Variants in PODXL observed in about 807,000 individuals in gnomAD.
PODXL encodes the protein podocalyxin like, also known as podocalyxin.
A neutral mutation model predicts 48.9 loss-of-function variants in PODXL; 20 were observed. The observed-to-expected ratio is 0.41, with a 90% CI of 0.29 to 0.59. The LOEUF is 0.59. PODXL is among the 20% of genes least tolerant of loss of function. The pLI, the probability that PODXL is intolerant of heterozygous loss-of-function variation, is 0.31. For missense variants in PODXL, 606 were observed against 675.1 expected (o/e 0.90, Z 1.13); for synonymous variants, 295 against 287.4 (o/e 1.03, Z -0.27).
At chr7:131,544,030 T>G (rs539772009) in intron 1 of PODXL, among the ~76,000 whole-genome samples, 1 of 152,310 alleles carries the variant, frequency 6.6e-6, no homozygotes, top group East Asian at 1.9e-4. Flanking sequence ...GGAAGGCCCC[T>G]GAGAGCCACT....
At chr7:131,536,937 C>A (rs1427720274) in intron 1 of PODXL, among the ~76,000 whole-genome samples, 4 of 151,804 alleles carry the variant, frequency 2.6e-5, no homozygotes, top group African/African-American at 9.7e-5. Context: ...CCAGCCTGGC[C>A]AACATGGTGA....
At chr7:131,521,336 A>AGTT (rs1390722914) in intron 1 of PODXL, among the ~76,000 whole-genome samples, 1 of 45,032 alleles carries the variant, frequency 2.2e-5, no homozygotes, top group South Asian at 7.2e-4. Flanking sequence ...GATTAAGGTC[A>AGTT]ATTTTTTTTT....
rs537008639 is a variant in PODXL at position 131,501,981 on chromosome 7, T to TGGAGAGTCA, written c.*2321_*2329dup. The TGGAGAGTCA allele has an allele frequency of 2.0e-5, 3 of 152,168 alleles. No homozygotes were observed. Among genetic ancestry groups the TGGAGAGTCA allele is most frequent in the Non-Finnish European group, 4.4e-5 (3 of 68,034 alleles). 9.4% of individuals were successfully genotyped at this position (152,168 alleles called of 1,614,324 possible). On this transcript the variant is annotated 3_prime_UTR_variant, in exon 9 of 9. Transcript: ENST00000378555. The stretch of plus-strand genomic sequence containing the variant: ...TCCGGGTTCTCCTTGGACAGAGCGA[T>TGGAGAGTCA]GGAGAGTCAGGAGAGTCAGGACCGA...
chr7:131,506,864 C>T (rs1256180445), intron 5 of PODXL, 138 bp from the exon 6 acceptor site: 3 of 856,358 alleles, frequency 3.5e-6, no homozygotes, highest in Non-Finnish European at 5.5e-6. Flanking sequence ...CCAGCTGGTG[C>T]TCCACGCAGG....
rs1183649128 is a variant in PODXL at position 131,501,187 on chromosome 7, A to G, written c.*3124T>C. On this transcript the variant is annotated 3_prime_UTR_variant, in exon 9 of 9. Transcript: ENST00000378555. ...TTGTTATATTTCATTTTTTGTTTAA[A>G]AAAAAAAATCAAGCAAAAACTTGTC... 6.6e-6 allele frequency: 1 copy of G among 152,556 alleles called. No individual in the cohort carries two copies. The highest frequency in any genetic ancestry group is 2.4e-5 in the African/African-American group (1 of 41,420). 9.5% of individuals were successfully genotyped at this position (152,556 alleles called of 1,614,324 possible). A position where few individuals can be genotyped will look rare whatever the true frequency, so the allele number is the denominator to read the frequency against.
intron 1 of PODXL, chr7:131,520,201 G>T: frequency 5.7e-6 from 2 of 351,190 alleles, no homozygotes; most frequent in South Asian, 5.5e-5. Context: ...GTGGTGACCC[G>T]AGAATGCACC....
rs182333714 is a variant in PODXL at position 131,504,273 on chromosome 7, A to T, written c.*38T>A. 250 of 1,577,332 alleles carry T rather than the reference A, an allele frequency of 1.6e-4. 1 individual carries two copies. In the East Asian group the frequency reaches 5.1e-3, roughly 32 times the overall value. The stretch of plus-strand genomic sequence containing the variant: ...ACGGCACTTGGGGTGGTTGGTCTGG[A>T]GCTCTGTGGTGCTGCTGGAGGCCAC... On this transcript the variant is annotated 3_prime_UTR_variant, in exon 9 of 9. Transcript: ENST00000378555.
intron 1 of PODXL, among the ~76,000 whole-genome samples, chr7:131,512,956 C>T (rs1484189364): frequency 4.2e-5 from 6 of 144,264 alleles, no homozygotes; most frequent in South Asian, 4.3e-4. Flanking sequence ...GATGGCACCA[C>T]TGCACTTCAG....
At chr7:131,541,557 G>A (rs57503556) in intron 1 of PODXL, among the ~76,000 whole-genome samples, 2 of 151,954 alleles carry the variant, frequency 1.3e-5, no homozygotes, top group East Asian at 3.9e-4. Context: ...TTGGTGGTGG[G>A]CGTCTCTAAT....
Position 131,504,481 on chromosome 7 carries a change from C to T in PODXL, c.1507G>A (p.Val503Met). 1 of 1,614,224 alleles carries T rather than the reference C, an allele frequency of 6.2e-7. No individual in the cohort carries two copies. Among genetic ancestry groups the T allele is most frequent in the East Asian group, 2.2e-5 (1 of 44,882 alleles). ...GGGTTGTCATGGTAACCATTCTCCA[C>T]TGTCTGCAGCTCCTCTGTTAGCCGC... Reference protein sequence around the residue: ...QQRLTEELQTVENGYHDNPTL... With the variant: ...QQRLTEELQTMENGYHDNPTL... The change falls in exon 9 of 9, where the codon GTG (valine) becomes ATG (methionine). Residue 503 changes from valine to methionine, a missense_variant. Val to Met is a conservative substitution (Grantham distance 21). Transcript: ENST00000378555.
chr7:131,544,826 C>CACTA (rs1314220560), intron 1 of PODXL, among the ~76,000 whole-genome samples: 2 of 152,172 alleles, frequency 1.3e-5, no homozygotes, highest in Admixed American at 6.5e-5. Flanking sequence ...CAAACAAGCA[C>CACTA]ACTACCCCCT....
chr7:131,526,337 C>T (rs768808879), intron 1 of PODXL, among the ~76,000 whole-genome samples: 58 of 152,196 alleles, frequency 3.8e-4, no homozygotes, highest in Non-Finnish European at 6.5e-4. Flanking sequence ...AATACTGGAT[C>T]GGAACCCCAA....
chr7:131,516,279 G>A (rs1178066534), intron 1 of PODXL, among the ~76,000 whole-genome samples: 3 of 152,204 alleles, frequency 2.0e-5, no homozygotes, highest in Non-Finnish European at 4.4e-5. Flanking sequence ...GGTGGCTCAC[G>A]CCTGTAATCC....
Position 131,546,147 on chromosome 7 carries a change from GTCACTGCCTGCT to G in PODXL, c.100+10101_100+10112del, listed in dbSNP as rs144312431. On this transcript the variant is annotated intron_variant, in intron 1 of 8. Coordinates refer to ENST00000378555, the MANE Select transcript of PODXL (RefSeq NM_001018111.3). ...CTGGCCATAGAAAGATCAACATCGTGTCACTGCCTGCTTCACTGCCTGGCTCGATGGCATCAA... is the reference window on the plus strand; with the variant it reads ...CTGGCCATAGAAAGATCAACATCGTGTCACTGCCTGGCTCGATGGCATCAA... 9.4e-3 allele frequency among the ~76,000 whole-genome samples: 1,437 copies of G among 152,306 alleles called. 9 individuals are homozygous for G. Among genetic ancestry groups the G allele is most frequent in the Non-Finnish European group, 0.016 (1,059 of 68,028 alleles).
chr7:131,510,010 G>C (rs1051925644), intron 3 of PODXL, among the ~76,000 whole-genome samples: 3 of 152,184 alleles, frequency 2.0e-5, no homozygotes, highest in African/African-American at 7.2e-5. Flanking sequence ...GCACCCTCCT[G>C]TGGAGCGGTG....
chr7:131,503,007 C>G lies in PODXL; in HGVS notation c.*1304G>C, dbSNP rs1357926714. ...CCCTTCATGCACCCAGCATGCACTG[C>G]GCTTTCCAGGCCCTCTTTTCCTGTG... On this transcript the variant is annotated 3_prime_UTR_variant, in exon 9 of 9. Coordinates refer to ENST00000378555, the MANE Select transcript of PODXL (RefSeq NM_001018111.3). The G allele has an allele frequency of 6.5e-6, 1 of 152,770 alleles. No individual in the cohort carries two copies. The allele number at this position is 152,770 out of a possible 1,614,324, so 9.5% of individuals were successfully genotyped here. A position where few individuals can be genotyped will look rare whatever the true frequency, so the allele number is the denominator to read the frequency against.
intron 1 of PODXL, among the ~76,000 whole-genome samples, chr7:131,526,431 AT>A (rs1368564803): frequency 1.3e-5 from 2 of 152,094 alleles, no homozygotes; most frequent in Admixed American, 6.6e-5. Flanking sequence ...TTCCAAAAAA[AT>A]TGTAGGTATG....
In PODXL at chr7:131,504,466, G is replaced by A. The variant is rs1165657024; in HGVS notation, c.1522C>T (p.His508Tyr). Residue 508 changes from histidine (H) to tyrosine (Y), a missense_variant, in exon 9 of 9, where the codon CAT becomes TAT. Transcript: ENST00000378555. ...ATCACTTCCAGTGTTGGGTTGTCAT[G>A]GTAACCATTCTCCACTGTCTGCAGC... Reference protein sequence around the residue: ...EELQTVENGYHDNPTLEVMET... With the variant: ...EELQTVENGYYDNPTLEVMET... 1.9e-6 allele frequency: 3 copies of A among 1,614,068 alleles called. No homozygotes were observed.
chr7:131,525,757 G>A (rs1182406920), intron 1 of PODXL, among the ~76,000 whole-genome samples: 1 of 152,126 alleles, frequency 6.6e-6, no homozygotes, highest in Non-Finnish European at 1.5e-5. Context: ...ACAAGGGCAT[G>A]TCAATTTCAA....
Sources: allele counts gnomAD v4.1 joint callset (sites outside exome capture counted in the v4.1 genomes callset), GRCh38; gene constraint gnomAD v4.1.1; transcripts MANE v1.5; gene names NCBI Gene and HGNC (gene_info 2026-07-23, HGNC 2026-07-21).